Variants in NREP observed in about 807,000 individuals in gnomAD.
NREP encodes neuronal regeneration related protein.
NREP carries 5 observed loss-of-function variants against 8.6 expected under a neutral mutation model. The observed-to-expected ratio is 0.58, with a 90% confidence interval of 0.30 to 1.22. The LOEUF is 1.22. NREP is among the 50% of genes most tolerant of loss of function. The pLI is 0.07. For synonymous variants in NREP, 27 were observed against 28.0 expected, an observed-to-expected ratio of 0.96 and a Z score of 0.11; for missense variants, 86 against 82.5, an observed-to-expected ratio of 1.04 and a Z score of -0.17.
intron 2 of NREP, among the ~76,000 whole-genome samples, chr5:111,881,869 C>T (rs1091890): frequency 0.35 from 52,397 of 149,574 alleles, 9,662 homozygotes; most frequent in East Asian, 0.66. Context: ...GATAAAACCA[C>T]AAAGATGGGA....
chr5:111,775,568 T>A (rs1272052580), intron 2 of NREP, among the ~76,000 whole-genome samples: 1 of 152,180 alleles, frequency 6.6e-6, no homozygotes, highest in Non-Finnish European at 1.5e-5. Flanking sequence ...TTCTCGGGAA[T>A]ATGCATTAGA....
At chr5:111,864,699 G>A (rs1262742624) in intron 2 of NREP, among the ~76,000 whole-genome samples, 1 of 151,914 alleles carries the variant, frequency 6.6e-6, no homozygotes, top group Non-Finnish European at 1.5e-5. Flanking sequence ...GAGTAGAAAT[G>A]GATTATCAGG....
intron 2 of NREP, among the ~76,000 whole-genome samples, chr5:111,779,471 G>A (rs1751441606): frequency 6.6e-6 from 1 of 152,148 alleles, no homozygotes. Context: ...AATTGGATTA[G>A]TTACCATGAT....
intron 2 of NREP, among the ~76,000 whole-genome samples, chr5:111,862,938 G>T (rs1443979205): frequency 6.7e-6 from 1 of 150,308 alleles, no homozygotes; most frequent in Non-Finnish European, 1.5e-5. Context: ...CAGGATACTA[G>T]ATCAGCTAGG....
intron 2 of NREP, among the ~76,000 whole-genome samples, chr5:111,865,836 G>A (rs1753651492): frequency 6.6e-6 from 1 of 152,070 alleles, no homozygotes; most frequent in African/African-American, 2.4e-5. Flanking sequence ...TCCTTCCCCA[G>A]ACTTACTTCC....
At chr5:111,767,829 C>T (rs1751121924) in intron 2 of NREP, among the ~76,000 whole-genome samples, 1 of 152,012 alleles carries the variant, frequency 6.6e-6, no homozygotes, top group Non-Finnish European at 1.5e-5. Flanking sequence ...CCCTGCCTGG[C>T]TAGTATTTTA....
chr5:111,846,136 A>G (rs1294153323), intron 2 of NREP: 1 of 155,844 alleles, frequency 6.4e-6, no homozygotes, highest in Non-Finnish European at 1.4e-5. Context: ...CACTTAAAAA[A>G]TGGGAAGAGG....
At chr5:111,922,336 T>C (rs1043824363) in intron 2 of NREP, among the ~76,000 whole-genome samples, 1 of 152,108 alleles carries the variant, frequency 6.6e-6, no homozygotes, top group Non-Finnish European at 1.5e-5. Flanking sequence ...GAAGAGCCAT[T>C]GTCACTTTGG....
At chr5:111,856,924 G>T (rs1365724472) in intron 2 of NREP, among the ~76,000 whole-genome samples, 1 of 152,122 alleles carries the variant, frequency 6.6e-6, no homozygotes, top group Non-Finnish European at 1.5e-5. Context: ...CTCTGTGCTA[G>T]ATTGTTTTTA....
At chr5:111,940,804 C>T (rs571684130) in intron 2 of NREP, among the ~76,000 whole-genome samples, 3 of 151,996 alleles carry the variant, frequency 2.0e-5, no homozygotes, top group African/African-American at 7.2e-5. Context: ...ACACTCATGC[C>T]CCAAAATTCA....
intron 2 of NREP, among the ~76,000 whole-genome samples, chr5:111,950,345 T>C (rs547886101): frequency 9.9e-5 from 15 of 152,226 alleles, no homozygotes; most frequent in Admixed American, 7.9e-4. Context: ...GCTAGCCATA[T>C]ACAGAAAACT....
chr5:111,878,443 C>T (rs1352705010), intron 2 of NREP, among the ~76,000 whole-genome samples: 1 of 152,092 alleles, frequency 6.6e-6, no homozygotes, highest in Non-Finnish European at 1.5e-5. Context: ...CTCATGAAAA[C>T]TCACTCACTA....
chr5:111,804,221 G>C (rs1452529608), intron 2 of NREP, among the ~76,000 whole-genome samples: 1 of 152,108 alleles, frequency 6.6e-6, no homozygotes, highest in Non-Finnish European at 1.5e-5. Context: ...TTCAGAAAGA[G>C]AATATATATA....
At chr5:111,894,543 G>A (rs1000680458) in intron 2 of NREP, among the ~76,000 whole-genome samples, 4 of 151,858 alleles carry the variant, frequency 2.6e-5, no homozygotes, top group South Asian at 2.1e-4. Flanking sequence ...TTGATCTCTC[G>A]AGTCAAACCA....
intron 2 of NREP, among the ~76,000 whole-genome samples, chr5:111,953,476 C>A (rs182051329): frequency 6.6e-6 from 1 of 152,230 alleles, no homozygotes; most frequent in Admixed American, 6.5e-5. Context: ...TGAGATTAGT[C>A]ATCACCAAAA....
chr5:111,843,862 A>T (rs866204440), intron 2 of NREP, among the ~76,000 whole-genome samples: 8 of 152,232 alleles, frequency 5.3e-5, no homozygotes, highest in African/African-American at 1.4e-4. Context: ...AGATAGGCTT[A>T]GAGCCTGGGT....
At chr5:111,757,994 G>C (rs1219355844), upstream of NREP, 3 of 985,444 alleles carry the variant, frequency 3.0e-6, no homozygotes, top group Non-Finnish European at 3.6e-6. Context: ...GGCGGCAGCC[G>C]CCTTCCTTTT....
chr5:111,928,182 A>T (rs73787735), intron 2 of NREP, among the ~76,000 whole-genome samples: 5 of 150,128 alleles, frequency 3.3e-5, no homozygotes, highest in Non-Finnish European at 5.9e-5. Context: ...ATCCCCTAAA[A>T]GAATTTTGCA....
intron 2 of NREP, among the ~76,000 whole-genome samples, chr5:111,841,043 G>T (rs1340816497): frequency 6.6e-6 from 1 of 152,056 alleles, no homozygotes; most frequent in African/African-American, 2.4e-5. Context: ...TTAGAAAAGG[G>T]ATTGCATGCA....
Sources: allele counts gnomAD v4.1 joint callset (sites outside exome capture counted in the v4.1 genomes callset), GRCh38; gene constraint gnomAD v4.1.1; transcripts MANE v1.5; gene names NCBI Gene and HGNC (gene_info 2026-07-23, HGNC 2026-07-21).